Variants in CADM2 observed in about 807,000 individuals in gnomAD.
The protein encoded by CADM2 is cell adhesion molecule 2.
Under a neutral mutation model 49.8 loss-of-function variants are expected in CADM2, and 12 were observed. The ratio of observed to expected loss-of-function variants is 0.24; its 90% CI spans 0.15 to 0.39. The LOEUF (loss-of-function observed/expected upper bound fraction) is 0.39. Ranked by LOEUF, CADM2 falls within the 10% of genes least tolerant of loss-of-function variation. The pLI is 1.00. For synonymous variants in CADM2, 214 were observed against 175.4 expected, an observed-to-expected ratio of 1.22 and a Z score of -1.74; for missense variants, 378 against 492.3, an observed-to-expected ratio of 0.77 and a Z score of 2.20.
intron 1 of CADM2, among the ~76,000 whole-genome samples, chr3:85,239,193 C>A (rs1433954487): frequency 6.6e-6 from 1 of 151,606 alleles, no homozygotes; most frequent in East Asian, 1.9e-4. Flanking sequence ...TTTTCTAATT[C>A]TTAGTTATTA....
chr3:85,165,257 C>G (rs560246368), intron 1 of CADM2, among the ~76,000 whole-genome samples: 68 of 151,950 alleles, frequency 4.5e-4, no homozygotes, highest in African/African-American at 1.6e-3. Flanking sequence ...TTCTCCATCT[C>G]TCTGTGAGAC....
In CADM2 at chr3:85,145,663, C is replaced by G. The variant is rs566462888; in HGVS notation, c.61+185995C>G. On this transcript the variant is annotated intron_variant, in intron 1 of 9. Coordinates refer to ENST00000383699, the MANE Select transcript of CADM2 (RefSeq NM_001167675.2). ...TGGCAGGCAAAAGAATCATCCCTGT[C>G]ATGCTCAATAATGTGGACAAATAGA... Among the ~76,000 whole-genome samples the G allele has an allele frequency of 1.9e-3, 289 of 152,152 alleles. 1 individual carries two copies. The highest frequency in any genetic ancestry group is 6.7e-3 in the African/African-American group (278 of 41,524).
intron 1 of CADM2, chr3:84,960,022 CCA>C: frequency 5.2e-6 from 2 of 383,932 alleles, no homozygotes; most frequent in Non-Finnish European, 9.5e-6. Flanking sequence ...ACAACCCCCA[CCA>C]GCCACCTCCC....
At chr3:85,395,146 A>T (rs1021435885) in intron 1 of CADM2, among the ~76,000 whole-genome samples, 1 of 151,912 alleles carries the variant, frequency 6.6e-6, no homozygotes, top group Non-Finnish European at 1.5e-5. Flanking sequence ...AATAAAGATA[A>T]ATTTAGCCAG....
chr3:85,886,800 CA>C (rs1713720145), intron 5 of CADM2, among the ~76,000 whole-genome samples: 2 of 151,988 alleles, frequency 1.3e-5, no homozygotes, highest in Admixed American at 1.3e-4. Flanking sequence ...TCACAAAAGG[CA>C]AAAATGTGTA....
At chr3:85,374,037 A>G (rs888373466) in intron 1 of CADM2, among the ~76,000 whole-genome samples, 1 of 152,102 alleles carries the variant, frequency 6.6e-6, no homozygotes, top group African/African-American at 2.4e-5. Context: ...ATTACTTATT[A>G]AAATGTCTGT....
intron 1 of CADM2, among the ~76,000 whole-genome samples, chr3:85,106,974 C>G (rs997268446): frequency 2.0e-5 from 3 of 151,974 alleles, no homozygotes; most frequent in Admixed American, 2.0e-4. Flanking sequence ...GAAGTATCCA[C>G]ATAGGATACA....
At chr3:85,667,998 A>T (rs1344359443) in intron 1 of CADM2, among the ~76,000 whole-genome samples, 1 of 152,082 alleles carries the variant, frequency 6.6e-6, no homozygotes, top group Non-Finnish European at 1.5e-5. Flanking sequence ...ACCTAAATAC[A>T]TATTAACATT....
chr3:85,212,496 A>G (rs2041802565), intron 1 of CADM2, among the ~76,000 whole-genome samples: 2 of 152,142 alleles, frequency 1.3e-5, no homozygotes, highest in African/African-American at 4.8e-5. Context: ...CTTTCAATTC[A>G]TTATTTTAAA....
chr3:85,213,738 C>T (rs976022745), intron 1 of CADM2, among the ~76,000 whole-genome samples: 2 of 152,000 alleles, frequency 1.3e-5, no homozygotes, highest in Non-Finnish European at 2.9e-5. Flanking sequence ...TCTACTTTTT[C>T]TAGACATGTT....
At position 86,005,500 on chromosome 3, in the gene CADM2, G is replaced by A. The variant is rs911153668; in HGVS notation, c.970+43853G>A. ...CAGGAGGCAGAGATTGCCGTGAGCC[G>A]AGATCACACCATTCCACTTTAGCCT... On this transcript the variant is annotated intron_variant, in intron 8 of 9. Transcript: ENST00000383699. Among the ~76,000 whole-genome samples the A allele has an allele frequency of 2.0e-5, 3 of 148,488 alleles. No homozygotes were observed. The East Asian group carries it at 6.0e-4, about 30-fold the overall frequency.
intron 8 of CADM2, among the ~76,000 whole-genome samples, chr3:85,975,833 C>A (rs1357536147): frequency 6.6e-6 from 1 of 151,378 alleles, no homozygotes; most frequent in East Asian, 2.0e-4. Context: ...GGATGGTTAT[C>A]ATTTCTAAAT....
At chr3:85,032,158 G>C (rs542183414) in intron 1 of CADM2, among the ~76,000 whole-genome samples, 1 of 151,704 alleles carries the variant, frequency 6.6e-6, no homozygotes, top group South Asian at 2.1e-4. Context: ...AAATAAATAA[G>C]TGGCTATATT....
In CADM2 at chr3:85,328,791, T is replaced by G. The variant is rs990807274; in HGVS notation, c.61+369123T>G. On this transcript the variant is annotated intron_variant, in intron 1 of 9. Coordinates refer to ENST00000383699, the MANE Select transcript of CADM2 (RefSeq NM_001167675.2). ...TCTTCAGGAGACTTGTGTGGATACATAGACATCATTTGATTTAGTCTTATA... is the reference window on the plus strand; with the variant it reads ...TCTTCAGGAGACTTGTGTGGATACAGAGACATCATTTGATTTAGTCTTATA... 3.9e-5 allele frequency among the ~76,000 whole-genome samples: 6 copies of G among 152,104 alleles called. No individual in the cohort carries two copies. The South Asian group carries it at 6.2e-4, about 16-fold the overall frequency.
At chr3:85,685,491 G>C (rs1189571230) in intron 1 of CADM2, among the ~76,000 whole-genome samples, 1 of 151,778 alleles carries the variant, frequency 6.6e-6, no homozygotes, top group African/African-American at 2.4e-5. Flanking sequence ...GGAAATCTTT[G>C]AACTTTCCTC....
At chr3:85,829,538 A>G (rs2074086294) in intron 3 of CADM2, among the ~76,000 whole-genome samples, 1 of 151,982 alleles carries the variant, frequency 6.6e-6, no homozygotes. Flanking sequence ...GATTTGATAT[A>G]AGTATGCATT....
chr3:85,763,508 C>G (rs1335765702), intron 2 of CADM2, among the ~76,000 whole-genome samples: 1 of 152,130 alleles, frequency 6.6e-6, no homozygotes, highest in African/African-American at 2.4e-5. Flanking sequence ...TTTATTGCCA[C>G]CTTAACAAAT....
intron 5 of CADM2, among the ~76,000 whole-genome samples, chr3:85,887,280 G>A (rs1423039412): frequency 1.3e-5 from 2 of 151,928 alleles, no homozygotes; most frequent in East Asian, 3.9e-4. Flanking sequence ...TAGAGATCGT[G>A]CTGTGTTGCC....
At chr3:85,692,382 T>C (rs2066414970) in intron 1 of CADM2, among the ~76,000 whole-genome samples, 2 of 152,132 alleles carry the variant, frequency 1.3e-5, no homozygotes, top group Non-Finnish European at 2.9e-5. Context: ...AATATTTGCG[T>C]CGCAAGTTTT....
Sources: gnomAD v4.1 joint callset for allele counts (sites outside exome capture counted in the v4.1 genomes callset) on GRCh38, gnomAD v4.1.1 for gene constraint, MANE v1.5 for transcripts, NCBI Gene and HGNC (gene_info 2026-07-23, HGNC 2026-07-21) for gene names.